MAGI2: variants seen among roughly 807,000 people sequenced by gnomAD.
MAGI2 encodes membrane associated guanylate kinase, WW and PDZ domain containing 2.
A neutral mutation model predicts 133.3 loss-of-function variants in MAGI2; 35 were observed. The observed-to-expected ratio is 0.26, with a 90% CI of 0.20 to 0.35. The LOEUF (loss-of-function observed/expected upper bound fraction) is 0.35, where lower values mean the gene tolerates loss of function less well. Ranked by LOEUF, MAGI2 falls within the 10% of genes least tolerant of loss-of-function variation. MAGI2 has a pLI of 1.00. For missense variants in MAGI2, 1,636 were observed against 1,863.4 expected (o/e 0.88, Z 2.25); for synonymous variants, 729 against 710.6 (o/e 1.03, Z -0.41).
intron 12 of MAGI2, among the ~76,000 whole-genome samples, chr7:78,191,133 G>C (rs1477956918): frequency 1.3e-5 from 2 of 152,024 alleles, no homozygotes; most frequent in Non-Finnish European, 2.9e-5. Flanking sequence ...AAGGCCCATT[G>C]ATTAAAACTT....
At chr7:78,916,128 CT>C (rs1798775854) in intron 2 of MAGI2, among the ~76,000 whole-genome samples, 1 of 151,998 alleles carries the variant, frequency 6.6e-6, no homozygotes, top group Admixed American at 6.6e-5. Context: ...ACTTAACAAT[CT>C]TTTAGATTGT....
Position 78,110,605 on chromosome 7 carries a change from T to C in MAGI2, c.3567+15089A>G, listed in dbSNP as rs368929679. Among the ~76,000 whole-genome samples, 23 of 152,320 alleles carry C rather than the reference T, an allele frequency of 1.5e-4. 1 individual carries two copies. The East Asian group carries it at 3.7e-3, about 24-fold the overall frequency. On this transcript the variant is annotated intron_variant, in intron 20 of 21. Transcript: ENST00000354212. The stretch of plus-strand genomic sequence containing the variant: ...CGGGACCCAGCAGGGGTGATCCCCA[T>C]ATGGAGAAGTACTTAATTCTCCCTT...
intron 2 of MAGI2, among the ~76,000 whole-genome samples, chr7:78,643,247 C>T (rs1211837678): frequency 6.6e-6 from 1 of 152,032 alleles, no homozygotes; most frequent in African/African-American, 2.4e-5. Flanking sequence ...TAAGAAATGC[C>T]AAGAAAGTAG....
At chr7:78,423,530 T>C (rs1798990390) in intron 6 of MAGI2, among the ~76,000 whole-genome samples, 1 of 152,144 alleles carries the variant, frequency 6.6e-6, no homozygotes, top group African/African-American at 2.4e-5. Context: ...AACTTTGGAA[T>C]TGGATAACAG....
chr7:78,910,603 T>C (rs1798330068), intron 2 of MAGI2, among the ~76,000 whole-genome samples: 1 of 152,204 alleles, frequency 6.6e-6, no homozygotes, highest in Non-Finnish European at 1.5e-5. Flanking sequence ...GCTTTTCTCT[T>C]GCCCAAGTTA....
At chr7:79,377,414 T>G (rs965131815) in intron 1 of MAGI2, among the ~76,000 whole-genome samples, 2 of 151,870 alleles carry the variant, frequency 1.3e-5, no homozygotes, top group African/African-American at 4.8e-5. Flanking sequence ...TTTAAAAGCA[T>G]TTTCCGCTGG....
At chr7:78,674,546 G>A (rs1457734606) in intron 2 of MAGI2, among the ~76,000 whole-genome samples, 1 of 151,924 alleles carries the variant, frequency 6.6e-6, no homozygotes, top group Non-Finnish European at 1.5e-5. Flanking sequence ...TATATAATGT[G>A]TAATTTTTAA....
At chr7:79,361,045 T>C (rs772178152) in intron 1 of MAGI2, among the ~76,000 whole-genome samples, 22 of 152,146 alleles carry the variant, frequency 1.4e-4, no homozygotes, top group Admixed American at 6.6e-4. Flanking sequence ...CAAACTTTAA[T>C]TTTAAAAATC....
At chr7:79,302,776 G>T (rs1268348900) in intron 1 of MAGI2, among the ~76,000 whole-genome samples, 3 of 152,158 alleles carry the variant, frequency 2.0e-5, no homozygotes, top group African/African-American at 7.2e-5. Context: ...CTTGACAATG[G>T]AAGCAGCATG....
chr7:79,319,670 G>C (rs1321554419), intron 1 of MAGI2, among the ~76,000 whole-genome samples: 1 of 152,108 alleles, frequency 6.6e-6, no homozygotes, highest in African/African-American at 2.4e-5. Flanking sequence ...GTCATAGGAG[G>C]CCTGTACAGC....
At chr7:78,719,903 G>A (rs1018230906) in intron 2 of MAGI2, among the ~76,000 whole-genome samples, 1 of 152,110 alleles carries the variant, frequency 6.6e-6, no homozygotes, top group African/African-American at 2.4e-5. Context: ...CCAGTTTAAT[G>A]TGTGCACTAA....
At chr7:78,977,884 A>G (rs185521246) in intron 2 of MAGI2, among the ~76,000 whole-genome samples, 2 of 151,980 alleles carry the variant, frequency 1.3e-5, no homozygotes, top group African/African-American at 4.8e-5. Flanking sequence ...CAAAACACCT[A>G]AACAGATACA....
Position 79,221,369 on chromosome 7 carries a change from T to C in MAGI2, c.302-214163A>G, listed in dbSNP as rs76604264. Among the ~76,000 whole-genome samples, 351 of 152,168 alleles carry C rather than the reference T, an allele frequency of 2.3e-3. 5 individuals carry two copies. The highest frequency in any genetic ancestry group is 7.8e-3 in the African/African-American group (324 of 41,426). ...ATCTGCCCAGCCCTGTGCTATGTTA[T>C]TTCACTTAATCCTCTCAGAAACCTA... On this transcript the variant is annotated intron_variant, in intron 1 of 21. Coordinates refer to ENST00000354212, the MANE Select transcript of MAGI2 (RefSeq NM_012301.4).
At chr7:78,060,064 C>T (rs1813060141) in intron 21 of MAGI2, among the ~76,000 whole-genome samples, 1 of 152,104 alleles carries the variant, frequency 6.6e-6, no homozygotes, top group Non-Finnish European at 1.5e-5. Flanking sequence ...GTGCTGCCAA[C>T]ATAGGTCACA....
intron 1 of MAGI2, among the ~76,000 whole-genome samples, chr7:79,011,839 T>G (rs538993668): frequency 6.6e-6 from 1 of 152,286 alleles, no homozygotes; most frequent in African/African-American, 2.4e-5. Flanking sequence ...TTGCTCTTTA[T>G]CTTGTACCAC....
rs567242297 is a variant in MAGI2 at position 78,882,564 on chromosome 7, A to G, written c.418+124526T>C. 6.6e-5 allele frequency among the ~76,000 whole-genome samples: 10 copies of G among 152,238 alleles called. No homozygotes were observed. The South Asian group carries it at 2.1e-3, about 32-fold the overall frequency. Reference sequence around the variant, plus strand: ...AAGCTGGCAAAGACACAATGAAAAAAGAAAACTATAGGACAATATTCCTAA... The same window carrying G: ...AAGCTGGCAAAGACACAATGAAAAAGGAAAACTATAGGACAATATTCCTAA... On this transcript the variant is annotated intron_variant, in intron 2 of 21. Transcript: ENST00000354212.
intron 2 of MAGI2, among the ~76,000 whole-genome samples, chr7:78,993,816 GA>G (rs1476446870): frequency 6.6e-6 from 1 of 151,816 alleles, no homozygotes; most frequent in Non-Finnish European, 1.5e-5. Flanking sequence ...TCGTGAAATA[GA>G]AAGAAAAAAT....
chr7:79,068,080 T>C (rs1311186060), intron 1 of MAGI2, among the ~76,000 whole-genome samples: 2 of 152,200 alleles, frequency 1.3e-5, no homozygotes, highest in African/African-American at 4.8e-5. Flanking sequence ...TCTTGTTGTG[T>C]CTCTGCCAGG....
chr7:78,268,149 T>G (rs1794198500), intron 9 of MAGI2, among the ~76,000 whole-genome samples: 1 of 152,072 alleles, frequency 6.6e-6, no homozygotes, highest in African/African-American at 2.4e-5. Context: ...GAAAATTTCT[T>G]GCTTTTTAAA....
Sources: allele counts gnomAD v4.1 joint callset (sites outside exome capture counted in the v4.1 genomes callset), GRCh38; gene constraint gnomAD v4.1.1; transcripts MANE v1.5; gene names NCBI Gene and HGNC (gene_info 2026-07-23, HGNC 2026-07-21).